CDC42: variants seen among roughly 807,000 people sequenced by gnomAD.
CDC42 encodes cell division cycle 42, also known as cell division control protein 42 homolog.
CDC42 carries 1 observed loss-of-function variant against 20.8 expected under a neutral mutation model. The ratio of observed to expected loss-of-function variants is 0.05; its 90% confidence interval spans 0.02 to 0.23. The LOEUF is 0.23. Ranked by LOEUF, CDC42 falls within the 10% of genes least tolerant of loss-of-function variation. CDC42 has a pLI of 1.00. For missense variants in CDC42, 49 were observed against 227.9 expected, an observed-to-expected ratio of 0.21 and a Z score of 5.05; for synonymous variants, 72 against 84.8, an observed-to-expected ratio of 0.85 and a Z score of 0.83.
intron 1 of CDC42, among the ~76,000 whole-genome samples, chr1:22,069,260 C>G (rs1371587899): frequency 6.8e-6 from 1 of 146,598 alleles, no homozygotes; most frequent in Non-Finnish European, 1.5e-5. Context: ...ATTGCAACCT[C>G]TGCCTCCTGG....
intron 4 of CDC42, 43 bp from the exon 5 acceptor site, chr1:22,086,626 C>A (rs1411671954): frequency 3.8e-6 from 6 of 1,596,980 alleles, no homozygotes; most frequent in Middle Eastern, 1.7e-4. Context: ...GCATTAGAGG[C>A]TTGTTGATTA....
rs1645747305 is a variant in CDC42, at chr1:22,095,092, C to T, written c.*3575C>T. ...ACAACATTTCACCAGGAAGTAGCAA[C>T]TCCATCATCTTTCAGGAAGGGCTGA... is the stretch of plus-strand genomic sequence containing the variant. On this transcript the variant is annotated 3_prime_UTR_variant, in exon 6 of 6. Coordinates refer to ENST00000656825, the MANE Select transcript of CDC42 (RefSeq NM_001791.4). 6.6e-6 allele frequency among the ~76,000 whole-genome samples: 1 copy of T among 152,138 alleles called. No individual in the cohort carries two copies. The highest frequency in any genetic ancestry group is 2.4e-5 in the African/African-American group (1 of 41,412).
At position 22,100,600 on chromosome 1, in the gene CDC42, G is replaced by T. The variant is rs1645783769; in HGVS notation, c.*9083G>T. 1 of 152,190 alleles carries T rather than the reference G, an allele frequency of 6.6e-6. No individual in the cohort carries two copies. The highest frequency in any genetic ancestry group is 6.5e-5 in the Admixed American group (1 of 15,276). The allele number at this position is 152,190 out of a possible 1,614,324, so 9.4% of individuals were successfully genotyped here. A position where few individuals can be genotyped will look rare whatever the true frequency, so the allele number is the denominator to read the frequency against. ...TTAGCATAGTGCCTGGCAAGTAGAA[G>T]GTACTCATCTGTGAATGGGGTAGAT... On this transcript the variant is annotated 3_prime_UTR_variant, in exon 6 of 6. Transcript: ENST00000656825.
rs1266645765 is a variant in CDC42, at chr1:22,097,702, A to T, written c.*6185A>T. 6.6e-6 allele frequency among the ~76,000 whole-genome samples: 1 copy of T among 152,252 alleles called. No homozygotes were observed. Among genetic ancestry groups the T allele is most frequent in the Admixed American group, 6.5e-5 (1 of 15,288 alleles). ...GAACAGAATGGGTAAACTTCTGTGA[A>T]GTTAGACACTTGCCTCTTAGAGGCA... On this transcript the variant is annotated 3_prime_UTR_variant, in exon 6 of 6. Transcript: ENST00000656825.
At position 22,093,158 on chromosome 1, in the gene CDC42, C is replaced by G. The variant is rs151153397; in HGVS notation, c.*1641C>G. Among the ~76,000 whole-genome samples, 4 of 152,290 alleles carry G rather than the reference C, an allele frequency of 2.6e-5. No individual in the cohort carries two copies. In the East Asian group the frequency reaches 7.7e-4, roughly 29 times the overall value. On this transcript the variant is annotated 3_prime_UTR_variant, in exon 6 of 6. Coordinates refer to ENST00000656825, the MANE Select transcript of CDC42 (RefSeq NM_001791.4). The stretch of plus-strand genomic sequence containing the variant: ...TTTCTCCTCTAAGTTTGACCCTTCC[C>G]TTAAATACCAAGTAGGTCCATAATA...
At chr1:22,058,151 A>G (rs1043737464) in intron 1 of CDC42, among the ~76,000 whole-genome samples, 5 of 152,190 alleles carry the variant, frequency 3.3e-5, no homozygotes, top group Non-Finnish European at 4.4e-5. Flanking sequence ...CATTAGAACT[A>G]TCAGGATTCA....
intron 5 of CDC42, among the ~76,000 whole-genome samples, chr1:22,088,471 A>T (rs1295553806): frequency 6.6e-6 from 1 of 152,182 alleles, no homozygotes; most frequent in Non-Finnish European, 1.5e-5. Context: ...TTCTTACCAG[A>T]GTTTGAAGTA....
chr1:22,081,232 G>GA (rs1392835422), intron 2 of CDC42, among the ~76,000 whole-genome samples: 3 of 152,104 alleles, frequency 2.0e-5, no homozygotes, highest in Non-Finnish European at 4.4e-5. Flanking sequence ...TACTTTGAGG[G>GA]AACCGTTATT....
In CDC42 at chr1:22,092,644, A is replaced by G. The variant is rs1645729519; in HGVS notation, c.*1127A>G. 1 of 152,602 alleles carries G rather than the reference A, an allele frequency of 6.6e-6. No individual in the cohort carries two copies. The highest frequency in any genetic ancestry group is 2.1e-4 in the South Asian group (1 of 4,824). The allele number at this position is 152,602 out of a possible 1,614,324, so 9.5% of individuals were successfully genotyped here. On this transcript the variant is annotated 3_prime_UTR_variant, in exon 6 of 6. Transcript: ENST00000656825. ...ACACTTAACAACATGGGGACCAGTC[A>G]GGGGAATCCCCTTATTTCTGTTTTG...
Position 22,094,256 on chromosome 1 carries a change from G to A in CDC42, c.*2739G>A, listed in dbSNP as rs1000680589. On this transcript the variant is annotated 3_prime_UTR_variant, in exon 6 of 6. Coordinates refer to ENST00000656825, the MANE Select transcript of CDC42 (RefSeq NM_001791.4). Reference sequence around the variant, plus strand: ...TTTAATACGATGTTAATATATTATTGCTATTTATAAGTGTTTTACTGAACA... The same window carrying A: ...TTTAATACGATGTTAATATATTATTACTATTTATAAGTGTTTTACTGAACA... 4.5e-4 allele frequency among the ~76,000 whole-genome samples: 59 copies of A among 131,726 alleles called. No individual in the cohort carries two copies. Among genetic ancestry groups the A allele is most frequent in the Admixed American group, 1.1e-3 (14 of 13,004 alleles). The allele number at this position is 131,726 out of a possible 152,430, so 86.4% of individuals were successfully genotyped here.
At chr1:22,057,729 TTC>T (rs1466026267) in intron 1 of CDC42, among the ~76,000 whole-genome samples, 1 of 151,786 alleles carries the variant, frequency 6.6e-6, no homozygotes, top group African/African-American at 2.4e-5. Flanking sequence ...CCTTTTTTTT[TTC>T]TTTTTTTTTT....
chr1:22,081,819 T>G (rs1473484916), intron 3 of CDC42, 25 bp downstream of exon 3: 1 of 1,441,350 alleles, frequency 6.9e-7, no homozygotes, highest in Non-Finnish European at 9.7e-7. Flanking sequence ...TCTTTTATAC[T>G]GTTTTGATCT....
Position 22,078,586 on chromosome 1 carries a change from A to G in CDC42, c.105+3A>G, listed in dbSNP as rs1645575543. On this transcript the variant is annotated splice_donor_region_variant and intron_variant, in intron 2 of 5. Coordinates refer to ENST00000656825, the MANE Select transcript of CDC42 (RefSeq NM_001791.4). Reference sequence around the variant, plus strand: ...TTCCATCGGAATATGTACCGACTGTAAGTATAAAGGCTTCCTTCTGTTAGT... The same window carrying G: ...TTCCATCGGAATATGTACCGACTGTGAGTATAAAGGCTTCCTTCTGTTAGT... 1.2e-6 allele frequency: 2 copies of G among 1,602,514 alleles called. No homozygotes were observed. The highest frequency in any genetic ancestry group is 1.7e-6 in the Non-Finnish European group (2 of 1,171,340).
At chr1:22,062,490 A>G (rs1645376981) in intron 1 of CDC42, among the ~76,000 whole-genome samples, 1 of 152,126 alleles carries the variant, frequency 6.6e-6, no homozygotes, top group Non-Finnish European at 1.5e-5. Flanking sequence ...GGCTGGCATG[A>G]TTTCATTCTT....
chr1:22,075,663 A>G (rs2152830036), intron 1 of CDC42, among the ~76,000 whole-genome samples: 1 of 152,366 alleles, frequency 6.6e-6, no homozygotes, highest in East Asian at 1.9e-4. Flanking sequence ...CTGTATGCCA[A>G]GCACTGTTGC....
intron 1 of CDC42, among the ~76,000 whole-genome samples, chr1:22,058,071 G>A (rs534486222): frequency 6.6e-6 from 1 of 152,260 alleles, no homozygotes; most frequent in South Asian, 2.1e-4. Flanking sequence ...TGTCATAGAA[G>A]CAAGGGTGTC....
chr1:22,067,199 C>G (rs1008006858), intron 1 of CDC42, among the ~76,000 whole-genome samples: 1 of 152,292 alleles, frequency 6.6e-6, no homozygotes, highest in Non-Finnish European at 1.5e-5. Context: ...ATACCATAGA[C>G]TGGGTAGCTT....
chr1:22,070,855 C>T (rs1645482357), intron 1 of CDC42, among the ~76,000 whole-genome samples: 1 of 152,042 alleles, frequency 6.6e-6, no homozygotes, highest in African/African-American at 2.4e-5. Flanking sequence ...AAACCGGACA[C>T]AGCAGTAGGA....
chr1:22,096,116 C>T lies in CDC42; in HGVS notation c.*4599C>T, dbSNP rs1027266129. On this transcript the variant is annotated 3_prime_UTR_variant, in exon 6 of 6. Transcript: ENST00000656825. ...CTGGGATTACAGGTGTCTGCCACTG[C>T]GCCCGGCTAATTTTTTGTATTTTTA... 6.6e-6 allele frequency among the ~76,000 whole-genome samples: 1 copy of T among 151,994 alleles called. No homozygotes were observed. The highest frequency in any genetic ancestry group is 1.5e-5 in the Non-Finnish European group (1 of 67,996).
Sources: gnomAD v4.1 joint callset for allele counts (sites outside exome capture counted in the v4.1 genomes callset) on GRCh38, gnomAD v4.1.1 for gene constraint, MANE v1.5 for transcripts, NCBI Gene and HGNC (gene_info 2026-07-23, HGNC 2026-07-21) for gene names.